DCAF12: variants seen among roughly 807,000 people sequenced by gnomAD.
DCAF12 encodes DDB1- and CUL4-associated factor 12.
A neutral mutation model predicts 52.8 loss-of-function variants in DCAF12; 28 were observed. That is an observed-to-expected ratio of 0.53 (90% CI 0.39 to 0.73). The LOEUF (loss-of-function observed/expected upper bound fraction) is 0.73, where lower values mean the gene tolerates loss of function less well. Among genes scored for constraint, DCAF12 ranks in the 30% least tolerant of loss-of-function variants. The pLI, the probability that DCAF12 is intolerant of heterozygous loss-of-function variation, is 0.00. For synonymous variants in DCAF12, 196 were observed against 215.5 expected (o/e 0.91, Z 0.79); for missense variants, 425 against 552.2 (o/e 0.77, Z 2.31).
rs1376842677 is a variant in DCAF12, at chr9:34,088,453, G to A, written c.1259C>T (p.Ala420Val). The change falls in exon 9 of 9, where the codon GCT becomes GTT. Residue 420 changes from alanine (A) to valine (V), a missense_variant. This residue lies in a region of DCAF12 where 328 missense variants were observed against 444.4 expected (regional missense o/e 0.74). Transcript: ENST00000361264. ...CGAGTCGTAGCAGTGGGTGTAAACA[G>A]CATTGGGGAAGAAGTCAATGTCTGA... Reference protein sequence around the residue: ...YFSDIDFFPNAVYTHCYDSSG... With the variant: ...YFSDIDFFPNVVYTHCYDSSG... 1.2e-6 allele frequency: 2 copies of A among 1,614,210 alleles called. No homozygotes were observed. Among genetic ancestry groups the A allele is most frequent in the Non-Finnish European group, 1.7e-6 (2 of 1,180,036 alleles).
In DCAF12 at chr9:34,087,028, T is replaced by A. The variant is rs900314656; in HGVS notation, c.*1322A>T. Reference sequence around the variant, plus strand: ...GGAACAAGTGGACATCACAGTCAGCTGCCTGCAAGTTTAAAAACCTCAGAC... The same window carrying A: ...GGAACAAGTGGACATCACAGTCAGCAGCCTGCAAGTTTAAAAACCTCAGAC... On this transcript the variant is annotated 3_prime_UTR_variant, in exon 9 of 9. Coordinates refer to ENST00000361264, the MANE Select transcript of DCAF12 (RefSeq NM_015397.4). 3.3e-5 allele frequency: 5 copies of A among 152,228 alleles called. No individual in the cohort carries two copies. Among genetic ancestry groups the A allele is most frequent in the African/African-American group, 1.2e-4 (5 of 41,450 alleles). 9.4% of individuals were successfully genotyped at this position (152,228 alleles called of 1,614,324 possible).
At position 34,101,064 on chromosome 9, in the gene DCAF12, C is replaced by CTTTT. The variant is rs3061496; in HGVS notation, c.602-2551_602-2548dup. 4.2e-5 allele frequency among the ~76,000 whole-genome samples: 5 copies of CTTTT among 118,330 alleles called. 1 individual carries two copies. The highest frequency in any genetic ancestry group is 9.7e-5 in the Admixed American group (1 of 10,344). The allele number at this position is 118,330 out of a possible 152,430, so 77.6% of individuals were successfully genotyped here. On this transcript the variant is annotated intron_variant, in intron 4 of 8. Coordinates refer to ENST00000361264, the MANE Select transcript of DCAF12 (RefSeq NM_015397.4). ...CACAGGGACCACAAACCCTCCCCAA[C>CTTTT]TTTTTTTTTTTTTTTTTTTTTAAAT...
rs138423361 is a variant in DCAF12, at chr9:34,091,422, G to T, written c.1025-1832C>A. Among the ~76,000 whole-genome samples, 311 of 151,978 alleles carry T rather than the reference G, an allele frequency of 2.0e-3. 1 individual carries two copies. Among genetic ancestry groups the T allele is most frequent in the African/African-American group, 7.1e-3 (294 of 41,466 alleles). The stretch of plus-strand genomic sequence containing the variant: ...CACACTTTGGGAGGCTGAGGTGGGT[G>T]TCCCAAGAGTTTGAGACAACTCTGG... On this transcript the variant is annotated intron_variant, in intron 7 of 8. Coordinates refer to ENST00000361264, the MANE Select transcript of DCAF12 (RefSeq NM_015397.4).
chr9:34,098,308 C>T lies in DCAF12; in HGVS notation c.795+16G>A, dbSNP rs1828771002. ...CAAGAGGAATACACGTCAGGGATCC[C>T]TACACAAGTTCATACCTTGTTCTTG... On this transcript the variant is annotated intron_variant, in intron 5 of 8. Transcript: ENST00000361264. 6 of 1,611,062 alleles carry T rather than the reference C, an allele frequency of 3.7e-6. No homozygotes were observed. The highest frequency in any genetic ancestry group is 1.3e-5 in the African/African-American group (1 of 74,974).
rs1828558801 is a variant in DCAF12 at position 34,086,490 on chromosome 9, A to G, written c.*1860T>C. On this transcript the variant is annotated 3_prime_UTR_variant, in exon 9 of 9. Coordinates refer to ENST00000361264, the MANE Select transcript of DCAF12 (RefSeq NM_015397.4). ...TCAAACGCATTACCCATTACAGAAG[A>G]GGGTCTAGCAATAGTACAAAACATC... is the stretch of plus-strand genomic sequence containing the variant. The G allele has an allele frequency of 6.6e-6, 1 of 152,216 alleles. No homozygotes were observed. Among genetic ancestry groups the G allele is most frequent in the Admixed American group, 6.5e-5 (1 of 15,272 alleles). 9.4% of individuals were successfully genotyped at this position (152,216 alleles called of 1,614,324 possible). A position where few individuals can be genotyped will look rare whatever the true frequency, so the allele number is the denominator to read the frequency against.
rs753248027 is a variant in DCAF12 at position 34,096,811 on chromosome 9, T to TATC, written c.796-33_796-31dup. The TATC allele has an allele frequency of 7.5e-6, 12 of 1,596,538 alleles. No individual in the cohort carries two copies. In the South Asian group the frequency reaches 1.2e-4, roughly 16 times the overall value. On this transcript the variant is annotated intron_variant, in intron 5 of 8. Transcript: ENST00000361264. Reference sequence around the variant, plus strand: ...AAGAGCAATGAAAACCAGGTTATATTATCATCTATAGCAACTAATGTACGA... The same window carrying TATC: ...AAGAGCAATGAAAACCAGGTTATATTATCATCATCTATAGCAACTAATGTACGA...
At chr9:34,121,820 G>A (rs1587743024) in intron 2 of DCAF12, among the ~76,000 whole-genome samples, 1 of 152,228 alleles carries the variant, frequency 6.6e-6, no homozygotes, top group South Asian at 2.1e-4. Context: ...GCAGGTACCT[G>A]TAATCCCAGC....
At chr9:34,096,803 G>A (rs750449107) in intron 5 of DCAF12, 22 bp from the exon 6 acceptor site, 2 of 1,609,408 alleles carry the variant, frequency 1.2e-6, no homozygotes, top group South Asian at 2.2e-5. Flanking sequence ...ATGAAAACCA[G>A]GTTATATTAT....
chr9:34,108,310 T>C (rs4878553), intron 2 of DCAF12, among the ~76,000 whole-genome samples: 1 of 152,128 alleles, frequency 6.6e-6, no homozygotes, highest in Non-Finnish European at 1.5e-5. Context: ...CTAAGTGTTA[T>C]GAACACAGCT....
chr9:34,099,600 T>C (rs1326920396), intron 4 of DCAF12, among the ~76,000 whole-genome samples: 1 of 150,366 alleles, frequency 6.7e-6, no homozygotes, highest in African/African-American at 2.4e-5. Context: ...TTCTTTTTTT[T>C]CCCTTTTTTT....
At chr9:34,108,310 T>G (rs4878553) in intron 2 of DCAF12, among the ~76,000 whole-genome samples, 31,718 of 152,196 alleles carry the variant, frequency 0.21, 3,496 homozygotes, top group Middle Eastern at 0.27. Flanking sequence ...CTAAGTGTTA[T>G]GAACACAGCT....
In DCAF12 at chr9:34,098,371, G is replaced by C; in HGVS notation, c.748C>G (p.Pro250Ala). The change falls in exon 5 of 9, where the codon CCT becomes GCT. Residue 250 changes from proline to alanine, a missense_variant. By Grantham distance (27) the Pro-to-Ala change is conservative. Transcript: ENST00000361264. ...LKDIPKEDTN[P>A]DNCKVRALAF... ...AGAGCCCGAACCTTGCAGTTGTCAG[G>C]GTTTGTGTCTTCTTTGGGGATGTCC... 6.2e-7 allele frequency: 1 copy of C among 1,614,192 alleles called. No individual in the cohort carries two copies. The highest frequency in any genetic ancestry group is 2.2e-5 in the East Asian group (1 of 44,888).
chr9:34,100,684 T>A (rs1828815288), intron 4 of DCAF12, among the ~76,000 whole-genome samples: 1 of 150,144 alleles, frequency 6.7e-6, no homozygotes, highest in Admixed American at 6.7e-5. Context: ...TTTTTTTTTA[T>A]AGACAGGGTT....
At chr9:34,101,004 T>C (rs1433759422) in intron 4 of DCAF12, among the ~76,000 whole-genome samples, 4 of 150,904 alleles carry the variant, frequency 2.7e-5, no homozygotes, top group Non-Finnish European at 5.9e-5. Flanking sequence ...GGGAGACCCA[T>C]GGATTTCCTG....
At position 34,106,359 on chromosome 9, in the gene DCAF12, C is replaced by T. The variant is rs550259873; in HGVS notation, c.601+75G>A. 2.2e-5 allele frequency: 29 copies of T among 1,309,278 alleles called. No homozygotes were observed. In the African/African-American group the frequency reaches 3.5e-4, roughly 16 times the overall value. The allele number at this position is 1,309,278 out of a possible 1,614,324, so 81.1% of individuals were successfully genotyped here. ...AGCCCGGCTGGGCTGTTTCCTATCACACTACTATCCCTTTTCAATCTCTAG... is the reference window on the plus strand; with the variant it reads ...AGCCCGGCTGGGCTGTTTCCTATCATACTACTATCCCTTTTCAATCTCTAG... On this transcript the variant is annotated intron_variant, in intron 4 of 8. Transcript: ENST00000361264.
chr9:34,114,394 C>T (rs1304222730), intron 2 of DCAF12, among the ~76,000 whole-genome samples: 3 of 152,142 alleles, frequency 2.0e-5, no homozygotes, highest in African/African-American at 7.2e-5. Context: ...GAAACCTTGT[C>T]TCTACTAAAA....
At chr9:34,097,304 C>T (rs1828750914) in intron 5 of DCAF12, among the ~76,000 whole-genome samples, 2 of 146,800 alleles carry the variant, frequency 1.4e-5, no homozygotes, top group South Asian at 4.4e-4. Context: ...CTCTGTCACC[C>T]AGGCTGGAGT....
rs759877697 is a variant in DCAF12, at chr9:34,087,543, A to G, written c.*807T>C. The G allele has an allele frequency of 1.7e-4, 26 of 152,190 alleles. No individual in the cohort carries two copies. Among genetic ancestry groups the G allele is most frequent in the Non-Finnish European group, 3.5e-4 (24 of 68,058 alleles). The allele number at this position is 152,190 out of a possible 1,614,324, so 9.4% of individuals were successfully genotyped here. On this transcript the variant is annotated 3_prime_UTR_variant, in exon 9 of 9. Transcript: ENST00000361264. The stretch of plus-strand genomic sequence containing the variant: ...AGTCTGATGTTTTAGGGGTGTGGCT[A>G]CTGGCTAAGCAGATGTGAGGGTGGG...
Position 34,093,317 on chromosome 9 carries a change from G to A in DCAF12, c.993C>T (p.Val331=). Reference sequence around the variant, plus strand: ...CTCGCTCCCTGGAACAGACAGACTTGACGTTGTATGATGGCTGCCGTGGAT... The same window carrying A: ...CTCGCTCCCTGGAACAGACAGACTTAACGTTGTATGATGGCTGCCGTGGAT... The part of the protein sequence containing the change: ...FLDPRQPSYN[V]KSVCSRERGS... Residue 331 remains valine, a synonymous_variant, in exon 7 of 9, where the codon GTC becomes GTT. Coordinates refer to ENST00000361264, the MANE Select transcript of DCAF12 (RefSeq NM_015397.4). The A allele has an allele frequency of 6.2e-7, 1 of 1,614,244 alleles. No homozygotes were observed. Among genetic ancestry groups the A allele is most frequent in the Non-Finnish European group, 8.5e-7 (1 of 1,180,052 alleles).
Sources: allele counts gnomAD v4.1 joint callset (sites outside exome capture counted in the v4.1 genomes callset), GRCh38; gene constraint gnomAD v4.1.1; regional missense constraint gnomAD v4.1.1; transcripts MANE v1.5; gene names NCBI Gene and HGNC (gene_info 2026-07-23, HGNC 2026-07-21).